The following SANBR variants were observed in gnomAD, a reference collection of about 807,000 sequenced individuals.
The protein encoded by SANBR is SANT and BTB domain regulator of CSR, also known as SANT and BTB domain regulator of class switch recombination.
SANBR carries 77 observed loss-of-function variants against 101.8 expected under a neutral mutation model. That is an observed-to-expected ratio of 0.76 (90% CI 0.63 to 0.91). The LOEUF (loss-of-function observed/expected upper bound fraction) is 0.91, where lower values mean the gene tolerates loss of function less well. Among genes scored for constraint, SANBR ranks in the 40% least tolerant of loss-of-function variants. The pLI is 0.00. For missense variants in SANBR, 875 were observed against 853.0 expected (o/e 1.03, Z -0.32); for synonymous variants, 279 against 274.7 (o/e 1.02, Z -0.15).
intron 7 of SANBR, 99 bp from the exon 8 acceptor site, chr2:61,083,055 A>T: frequency 1.0e-6 from 1 of 967,902 alleles, no homozygotes; most frequent in Non-Finnish European, 1.6e-6. Flanking sequence ...CTAGCAATAT[A>T]TGGATTAGAC....
At chr2:61,081,304 A>T (rs549764340) in intron 6 of SANBR, 148 bp from the exon 7 acceptor site, 1 of 700,004 alleles carries the variant, frequency 1.4e-6, no homozygotes, top group Admixed American at 4.1e-5. Context: ...AATTTTCTTT[A>T]TTTTATGTAT....
At chr2:61,125,503 T>TA (rs1458106720), downstream of SANBR, among the ~76,000 whole-genome samples, 4 of 152,232 alleles carry the variant, frequency 2.6e-5, no homozygotes. Context: ...TGTTTCCTGA[T>TA]ACGTGGTAGG....
intron 10 of SANBR, chr2:61,088,861 T>C: frequency 1.0e-6 from 1 of 968,748 alleles, no homozygotes; most frequent in Non-Finnish European, 1.2e-6. Flanking sequence ...TTTATAAAAA[T>C]ATAACTACTT....
In SANBR at chr2:61,080,498, G is replaced by A. The variant is rs542460496; in HGVS notation, c.671-954G>A. Among the ~76,000 whole-genome samples, 23 of 152,188 alleles carry A rather than the reference G, an allele frequency of 1.5e-4. 1 individual carries two copies. The highest frequency in any genetic ancestry group is 1.3e-3 in the Admixed American group (20 of 15,290). On this transcript the variant is annotated intron_variant, in intron 6 of 21. Transcript: ENST00000402291. ...AGCACTTTGGGAGGCCAAGGCGGGC[G>A]GATCACGAGGTGAAGAGATGGAGAC...
chr2:61,132,701 A>G (rs1454484050), intron 20 of SANBR, among the ~76,000 whole-genome samples: 1 of 152,250 alleles, frequency 6.6e-6, no homozygotes, highest in Non-Finnish European at 1.5e-5. Context: ...CAATACTTGT[A>G]CACAAATGTT....
chr2:61,134,266 C>T, exon 21 of SANBR: 1 of 1,561,928 alleles, frequency 6.4e-7, no homozygotes, highest in Non-Finnish European at 8.7e-7. Context: ...TGGAATACTG[C>T]TTGACATATC....
In SANBR at chr2:61,092,453, T is replaced by C. The variant is rs1240910573; in HGVS notation, c.1089-11T>C. 6 of 1,526,694 alleles carry C rather than the reference T, an allele frequency of 3.9e-6. No individual in the cohort carries two copies. Among genetic ancestry groups the C allele is most frequent in the Non-Finnish European group, 5.3e-6 (6 of 1,141,692 alleles). The allele number at this position is 1,526,694 out of a possible 1,614,324, so 94.6% of individuals were successfully genotyped here. ...TATCACTTGCTTGTAAAATTGAGGCTCTTTCTCCAGAGATAAGACATGGGA... is the reference window on the plus strand; with the variant it reads ...TATCACTTGCTTGTAAAATTGAGGCCCTTTCTCCAGAGATAAGACATGGGA... On this transcript the variant is annotated splice_polypyrimidine_tract_variant and intron_variant, in intron 10 of 21. Transcript: ENST00000402291.
At chr2:61,094,990 G>GTAGTT (rs904619165) in intron 11 of SANBR, among the ~76,000 whole-genome samples, 9 of 152,120 alleles carry the variant, frequency 5.9e-5, no homozygotes, top group Admixed American at 2.6e-4. Context: ...GGTTTGTGTG[G>GTAGTT]TAGTTTAACA....
intron 5 of SANBR, among the ~76,000 whole-genome samples, chr2:61,075,671 A>C (rs547541615): frequency 6.6e-6 from 1 of 152,272 alleles, no homozygotes; most frequent in South Asian, 2.1e-4. Flanking sequence ...AAATAAGTAC[A>C]TTGTAGTCTT....
At chr2:61,080,441 C>T (rs1469400561) in intron 6 of SANBR, among the ~76,000 whole-genome samples, 1 of 151,678 alleles carries the variant, frequency 6.6e-6, no homozygotes, top group African/African-American at 2.4e-5. Context: ...TAAGAGCCTT[C>T]ACCGGGCGTG....
At chr2:61,110,454 C>A (rs1284793694) in intron 16 of SANBR, among the ~76,000 whole-genome samples, 1 of 151,998 alleles carries the variant, frequency 6.6e-6, no homozygotes, top group East Asian at 1.9e-4. Flanking sequence ...CCGAGGCAGG[C>A]GGATCACCTG....
chr2:61,130,929 CAAAAAAA>C (rs59171411), intron 20 of SANBR, among the ~76,000 whole-genome samples: 15 of 13,228 alleles, frequency 1.1e-3, no homozygotes, highest in Admixed American at 6.3e-3. Context: ...GACTCTGTCT[CAAAAAAA>C]AAAAAAAAAA....
intron 11 of SANBR, among the ~76,000 whole-genome samples, chr2:61,096,415 T>C (rs1460155620): frequency 2.0e-5 from 3 of 152,074 alleles, no homozygotes; most frequent in Non-Finnish European, 4.4e-5. Context: ...CCAAACCAAC[T>C]CCTGGGACTC....
intron 20 of SANBR, among the ~76,000 whole-genome samples, chr2:61,120,938 T>C (rs1024799417): frequency 6.6e-6 from 1 of 152,184 alleles, no homozygotes; most frequent in African/African-American, 2.4e-5. Context: ...GGGAATTTTC[T>C]TGGGGGTGAT....
chr2:61,084,295 A>G (rs1559091129), intron 8 of SANBR, among the ~76,000 whole-genome samples: 3 of 152,328 alleles, frequency 2.0e-5, no homozygotes, highest in South Asian at 2.1e-4. Context: ...ATATATTTCT[A>G]TTTTTAAATG....
chr2:61,106,782 A>ACCTTC, intron 14 of SANBR, 120 bp downstream of exon 14: 1 of 594,318 alleles, frequency 1.7e-6, no homozygotes, highest in Non-Finnish European at 2.9e-6. Context: ...ATAAGAAGGT[A>ACCTTC]TTATGCCTAG....
intron 4 of SANBR, 33 bp from the exon 5 acceptor site, chr2:61,073,425 T>TC: frequency 8.9e-7 from 1 of 1,129,118 alleles, no homozygotes; most frequent in Non-Finnish European, 1.3e-6. Flanking sequence ...CCCCACCTTT[T>TC]TTTTTTTGTA....
chr2:61,072,662 G>C (rs1681536062), intron 4 of SANBR, among the ~76,000 whole-genome samples: 1 of 151,392 alleles, frequency 6.6e-6, no homozygotes, highest in South Asian at 2.1e-4. Flanking sequence ...CCACTTTACT[G>C]TATCAAAATG....
Position 61,106,661 on chromosome 2 carries a change from C to T in SANBR, c.1610C>T (p.Ala537Val). The change falls in exon 14 of 22, where the codon GCT (alanine) becomes GTT (valine). Residue 537 changes from alanine to valine, a missense_variant and splice_region_variant. By Grantham distance (64) the Ala-to-Val change is moderately conservative. Transcript: ENST00000402291. Reference protein sequence around the residue: ...PWGPKTGELNAFLSLKNWTLQ... With the variant: ...PWGPKTGELNVFLSLKNWTLQ... ...GGTCCCAAAACTGGGGAGCTCAATG[C>T]TGTGAGTAGTTTTTTTTCACTTATT... 3 of 1,537,944 alleles carry T rather than the reference C, an allele frequency of 2.0e-6. No homozygotes were observed. Among genetic ancestry groups the T allele is most frequent in the South Asian group, 1.2e-5 (1 of 82,094 alleles).
Sources: gnomAD v4.1 joint callset for allele counts (sites outside exome capture counted in the v4.1 genomes callset) on GRCh38, gnomAD v4.1.1 for gene constraint, MANE v1.5 for transcripts, NCBI Gene and HGNC (gene_info 2026-07-23, HGNC 2026-07-21) for gene names.